The following GPAT4 variants were observed in gnomAD, a reference collection of about 807,000 sequenced individuals.
GPAT4 encodes the protein glycerol-3-phosphate acyltransferase 4.
GPAT4 carries 17 observed loss-of-function variants against 58.0 expected under a neutral mutation model. The ratio of observed to expected loss-of-function variants is 0.29; its 90% confidence interval spans 0.20 to 0.44. The LOEUF is 0.44. GPAT4 is among the 20% of genes least tolerant of loss of function. The pLI, the probability that GPAT4 is intolerant of heterozygous loss-of-function variation, is 1.00. For synonymous variants in GPAT4, 204 were observed against 210.1 expected, an observed-to-expected ratio of 0.97 and a Z score of 0.25; for missense variants, 377 against 574.5, an observed-to-expected ratio of 0.66 and a Z score of 3.51.
In GPAT4 at chr8:41,578,275, G is replaced by A. The variant is rs1802414700; in HGVS notation, c.-852G>A. On this transcript the variant is annotated 5_prime_UTR_variant, in exon 1 of 13. Coordinates refer to ENST00000396987, the MANE Select transcript of GPAT4 (RefSeq NM_178819.4). ...GGATTTGGAGCTGCCTAGCCTCGCGGTCGGTGAGTAGGAGGGAGCTGGCCC... is the reference window on the plus strand; with the variant it reads ...GGATTTGGAGCTGCCTAGCCTCGCGATCGGTGAGTAGGAGGGAGCTGGCCC... The A allele has an allele frequency of 6.6e-6, 1 of 151,598 alleles. No individual in the cohort carries two copies. The highest frequency in any genetic ancestry group is 2.4e-5 in the African/African-American group (1 of 41,358). 9.4% of individuals were successfully genotyped at this position (151,598 alleles called of 1,614,324 possible). A position where few individuals can be genotyped will look rare whatever the true frequency, so the allele number is the denominator to read the frequency against.
At position 41,610,000 on chromosome 8, in the gene GPAT4, C is replaced by T. The variant is rs200325338; in HGVS notation, c.536+45C>T. 80 of 1,557,548 alleles carry T rather than the reference C, an allele frequency of 5.1e-5. No individual in the cohort carries two copies. In the East Asian group the frequency reaches 1.5e-3, roughly 29 times the overall value. On this transcript the variant is annotated intron_variant, in intron 4 of 12. Coordinates refer to ENST00000396987, the MANE Select transcript of GPAT4 (RefSeq NM_178819.4). ...AGTGGGGCTCGCTGCTGCCACCCCA[C>T]GTGGTGCACAGCCCACCTGCCTGCT...
chr8:41,618,944 T>G lies in GPAT4; in HGVS notation c.1229T>G (p.Ile410Ser). The change falls in exon 12 of 13, where the codon ATT (isoleucine) becomes AGT (serine). Residue 410 changes from isoleucine (I) to serine (S), a missense_variant. Physicochemically the swap from Ile to Ser is moderately radical, Grantham distance 142. Coordinates refer to ENST00000396987, the MANE Select transcript of GPAT4 (RefSeq NM_178819.4). ...VQFANRVKSA[I>S]ARQGGLVDLL... ...TTTGCGAATAGGGTGAAATCTGCCA[T>G]TGCCAGGCAGGGAGGACTTGTGGAC... 6.2e-7 allele frequency: 1 copy of G among 1,614,206 alleles called. No individual in the cohort carries two copies. Among genetic ancestry groups the G allele is most frequent in the Non-Finnish European group, 8.5e-7 (1 of 1,180,022 alleles).
At chr8:41,581,993 ATTTTTTTTTTTT>A (rs71230849) in intron 1 of GPAT4, among the ~76,000 whole-genome samples, 52 of 63,608 alleles carry the variant, frequency 8.2e-4, no homozygotes, top group African/African-American at 1.6e-3. Context: ...AAGTTCAATG[ATTTTTTTTTTTT>A]TTTTTTTTTT....
intron 10 of GPAT4, among the ~76,000 whole-genome samples, 157 bp downstream of exon 10, chr8:41,615,205 G>A (rs761439669): frequency 1.2e-4 from 19 of 152,192 alleles, no homozygotes; most frequent in Non-Finnish European, 2.1e-4. Context: ...AAGTGCTGCC[G>A]GAGGAGGATG....
chr8:41,608,200 G>T (rs55708622), intron 2 of GPAT4, among the ~76,000 whole-genome samples: 1 of 152,176 alleles, frequency 6.6e-6, no homozygotes. Flanking sequence ...TCCAGATGAG[G>T]TCAGATCACT....
At chr8:41,592,170 A>G (rs1802807214) in intron 1 of GPAT4, among the ~76,000 whole-genome samples, 1 of 152,132 alleles carries the variant, frequency 6.6e-6, no homozygotes, top group African/African-American at 2.4e-5. Flanking sequence ...ACCTGTTTTT[A>G]TGGGCAGTAG....
At chr8:41,620,777 T>C in intron 12 of GPAT4, 116 bp from the exon 13 acceptor site, 1 of 1,483,058 alleles carries the variant, frequency 6.7e-7, no homozygotes, top group Non-Finnish European at 9.0e-7. Flanking sequence ...TGCCACGGGG[T>C]ACCCTGTTTC....
rs1220771897 is a variant in GPAT4 at position 41,614,432 on chromosome 8, T to G, written c.958T>G (p.Phe320Val). The change falls in exon 9 of 13, where the codon TTC becomes GTC. Residue 320 changes from phenylalanine (F) to valine (V), a missense_variant. By Grantham distance (50) the Phe-to-Val change is conservative. Coordinates refer to ENST00000396987, the MANE Select transcript of GPAT4 (RefSeq NM_178819.4). ...QDKSKLPILI[F>V]PEGTCINNTS... ...TAAAAGCAAGCTGCCTATCCTCATC[T>G]TCCCAGAAGGTAAGAAGGGGTTGGT... The G allele has an allele frequency of 6.2e-7, 1 of 1,614,050 alleles. No individual in the cohort carries two copies. The highest frequency in any genetic ancestry group is 8.5e-7 in the Non-Finnish European group (1 of 1,180,028).
intron 2 of GPAT4, among the ~76,000 whole-genome samples, chr8:41,603,356 A>G (rs1443213761): frequency 6.6e-6 from 1 of 151,950 alleles, no homozygotes; most frequent in African/African-American, 2.4e-5. Flanking sequence ...GTGAAACTCC[A>G]TCTCTACTAA....
intron 4 of GPAT4, 145 bp downstream of exon 4, chr8:41,610,100 A>C (rs546517131): frequency 3.4e-6 from 5 of 1,459,400 alleles, no homozygotes; most frequent in East Asian, 2.4e-5. Context: ...CTTTGGAGGG[A>C]TACACTGGTG....
Position 41,599,322 on chromosome 8 carries a change from A to G in GPAT4, c.165+18A>G. On this transcript the variant is annotated intron_variant, in intron 2 of 12. Transcript: ENST00000396987. ...TCTTTGCGGTAAGTTATGCTGTTAC[A>G]AAAGGTTGCTTCACAGAGGAGGGTA... 1 of 1,612,886 alleles carries G rather than the reference A, an allele frequency of 6.2e-7. No individual in the cohort carries two copies. Among genetic ancestry groups the G allele is most frequent in the South Asian group, 1.1e-5 (1 of 90,752 alleles).
intron 10 of GPAT4, among the ~76,000 whole-genome samples, chr8:41,615,449 AT>A (rs58277014): frequency 0.4 from 53,690 of 135,670 alleles, 10,101 homozygotes; most frequent in Middle Eastern, 0.54. Flanking sequence ...AGCCATGAGG[AT>A]TGGGGGGGGG....
chr8:41,600,237 A>G (rs1443351299), intron 2 of GPAT4, among the ~76,000 whole-genome samples: 1 of 151,528 alleles, frequency 6.6e-6, no homozygotes, highest in Non-Finnish European at 1.5e-5. Context: ...ATAGGGTTTC[A>G]CCATGTTGTC....
At chr8:41,594,087 A>G (rs1015085818) in intron 1 of GPAT4, among the ~76,000 whole-genome samples, 2 of 152,250 alleles carry the variant, frequency 1.3e-5, no homozygotes, top group African/African-American at 4.8e-5. Flanking sequence ...ATGTCTGACC[A>G]TAAGGTAAGA....
intron 1 of GPAT4, among the ~76,000 whole-genome samples, chr8:41,596,827 A>C (rs1442714328): frequency 6.6e-6 from 1 of 152,216 alleles, no homozygotes; most frequent in Non-Finnish European, 1.5e-5. Context: ...AAAGGGCTTT[A>C]TTCAGCTGGG....
chr8:41,600,467 AAGACTC>A (rs1431806582), intron 2 of GPAT4, among the ~76,000 whole-genome samples: 1 of 152,296 alleles, frequency 6.6e-6, no homozygotes, highest in East Asian at 1.9e-4. Context: ...AATGAAGAAA[AAGACTC>A]AGATTAAGTG....
At chr8:41,610,461 T>A in intron 4 of GPAT4, 1 of 1,309,900 alleles carries the variant, frequency 7.6e-7, no homozygotes, top group Non-Finnish European at 9.8e-7. Context: ...TGTGGCAGAA[T>A]GGCCAGCTTA....
chr8:41,613,602 G>A (rs1350339175), intron 8 of GPAT4, among the ~76,000 whole-genome samples: 1 of 152,162 alleles, frequency 6.6e-6, no homozygotes, highest in Non-Finnish European at 1.5e-5. Context: ...TGAATCTGCT[G>A]TAAGTAATGC....
At chr8:41,612,419 C>T in intron 7 of GPAT4, 146 bp downstream of exon 7, 1 of 792,698 alleles carries the variant, frequency 1.3e-6, no homozygotes, top group African/African-American at 1.7e-5. Flanking sequence ...CTCTGTGGGA[C>T]TGTGATAGGA....
Sources: allele counts gnomAD v4.1 joint callset (sites outside exome capture counted in the v4.1 genomes callset), GRCh38; gene constraint gnomAD v4.1.1; transcripts MANE v1.5; gene names NCBI Gene and HGNC (gene_info 2026-07-23, HGNC 2026-07-21).